Variants in B3GALT1 observed in about 807,000 individuals in gnomAD.
B3GALT1 encodes the protein beta-1,3-galactosyltransferase 1.
Under a neutral mutation model 23.2 loss-of-function variants are expected in B3GALT1, and 10 were observed. That is an observed-to-expected ratio of 0.43 (90% CI 0.27 to 0.73). The LOEUF (loss-of-function observed/expected upper bound fraction) is 0.73, where lower values mean the gene tolerates loss of function less well. Ranked by LOEUF, B3GALT1 falls within the 30% of genes least tolerant of loss-of-function variation. B3GALT1 has a pLI of 0.21. For missense variants in B3GALT1, 299 were observed against 405.4 expected, an observed-to-expected ratio of 0.74 and a Z score of 2.25; for synonymous variants, 156 against 141.5, an observed-to-expected ratio of 1.10 and a Z score of -0.73.
At chr2:167,566,179 T>G (rs1418269664) in intron 2 of B3GALT1, among the ~76,000 whole-genome samples, 3 of 152,146 alleles carry the variant, frequency 2.0e-5, no homozygotes, top group Non-Finnish European at 4.4e-5. Flanking sequence ...CCATAAAAAA[T>G]GATGAGTTCA....
At chr2:167,441,240 A>C (rs932055773) in intron 1 of B3GALT1, among the ~76,000 whole-genome samples, 6 of 152,204 alleles carry the variant, frequency 3.9e-5, no homozygotes, top group Admixed American at 6.5e-5. Context: ...GGATTCCAGC[A>C]CCCACAGTAT....
intron 2 of B3GALT1, among the ~76,000 whole-genome samples, chr2:167,515,511 G>T (rs1157245436): frequency 1.3e-5 from 2 of 152,100 alleles, no homozygotes; most frequent in Non-Finnish European, 2.9e-5. Flanking sequence ...TTATAGGGAA[G>T]CATAAAGCAA....
chr2:167,830,522 A>G lies in B3GALT1; in HGVS notation c.-230+11729A>G, dbSNP rs540714655. Among the ~76,000 whole-genome samples the G allele has an allele frequency of 7.9e-5, 12 of 152,268 alleles. No homozygotes were observed. In the East Asian group the frequency reaches 1.5e-3, roughly 20 times the overall value. ...CCACAATTGTGAACTGTCAATATCA[A>G]TATGGGCCCATGTGCTGCCTATTTG... is the stretch of plus-strand genomic sequence containing the variant. On this transcript the variant is annotated intron_variant, in intron 4 of 4. Transcript: ENST00000392690.
chr2:167,395,421 T>C (rs1044978393), intron 1 of B3GALT1, among the ~76,000 whole-genome samples: 1 of 151,922 alleles, frequency 6.6e-6, no homozygotes, highest in African/African-American at 2.4e-5. Context: ...TAGAATAATA[T>C]GTTTAGAAGA....
chr2:167,532,840 C>T (rs1215627231), intron 2 of B3GALT1, among the ~76,000 whole-genome samples: 3 of 142,044 alleles, frequency 2.1e-5, no homozygotes, highest in South Asian at 2.3e-4. Context: ...TAGAGAAAGA[C>T]AGTTTTACTG....
chr2:167,370,069 A>G (rs1697657877), intron 1 of B3GALT1, among the ~76,000 whole-genome samples: 1 of 152,208 alleles, frequency 6.6e-6, no homozygotes, highest in Admixed American at 6.5e-5. Context: ...AACTGTAATT[A>G]AATGCAAAGG....
At position 167,537,864 on chromosome 2, in the gene B3GALT1, C is replaced by A. The variant is rs534485290; in HGVS notation, c.-410+47587C>A. 7.2e-4 allele frequency among the ~76,000 whole-genome samples: 106 copies of A among 146,568 alleles called. 4 individuals are homozygous for A. In the South Asian group the frequency reaches 0.022, roughly 30 times the overall value. On this transcript the variant is annotated intron_variant, in intron 2 of 4. Transcript: ENST00000392690. ...TTTTTGACAGAGTCTCATTCTGTCG[C>A]CCAGGCTTGAGTGCAATGGCATGTT...
At chr2:167,452,996 T>C (rs1699111446) in intron 1 of B3GALT1, among the ~76,000 whole-genome samples, 1 of 152,200 alleles carries the variant, frequency 6.6e-6, no homozygotes, top group South Asian at 2.1e-4. Context: ...TGGAGCCACT[T>C]TGAAGATCAC....
chr2:167,628,171 A>G (rs939242488), intron 2 of B3GALT1, among the ~76,000 whole-genome samples: 1 of 151,596 alleles, frequency 6.6e-6, no homozygotes, highest in African/African-American at 2.4e-5. Context: ...TCATTTTCTT[A>G]ACAGTGTACA....
intron 3 of B3GALT1, among the ~76,000 whole-genome samples, chr2:167,809,822 G>T (rs951327658): frequency 2.0e-5 from 3 of 152,014 alleles, no homozygotes; most frequent in African/African-American, 7.2e-5. Context: ...GTCAGACAGG[G>T]ACATTTAAGT....
At chr2:167,455,714 T>A (rs1699159337) in intron 1 of B3GALT1, among the ~76,000 whole-genome samples, 1 of 152,128 alleles carries the variant, frequency 6.6e-6, no homozygotes, top group South Asian at 2.1e-4. Flanking sequence ...GATTTCACCA[T>A]ATTGGACACA....
intron 2 of B3GALT1, among the ~76,000 whole-genome samples, chr2:167,503,064 A>G (rs902086910): frequency 5.3e-5 from 8 of 152,136 alleles, no homozygotes; most frequent in Admixed American, 2.6e-4. Context: ...AAAATAAAAA[A>G]TAAATAAAAT....
At chr2:167,626,334 C>T (rs1346133385) in intron 2 of B3GALT1, among the ~76,000 whole-genome samples, 2 of 151,570 alleles carry the variant, frequency 1.3e-5, no homozygotes, top group Non-Finnish European at 3.0e-5. Flanking sequence ...TGTGTATCTT[C>T]TTTATCTCAC....
At chr2:167,820,839 TCTC>T (rs543587352) in intron 4 of B3GALT1, among the ~76,000 whole-genome samples, 62 of 152,338 alleles carry the variant, frequency 4.1e-4, no homozygotes, top group African/African-American at 1.4e-3. Flanking sequence ...AAATTAGAGT[TCTC>T]CTTCTACTAC....
intron 1 of B3GALT1, among the ~76,000 whole-genome samples, chr2:167,463,486 G>A (rs1699297580): frequency 2.0e-5 from 3 of 151,888 alleles, no homozygotes; most frequent in Admixed American, 2.0e-4. Context: ...CAAACCCAAG[G>A]TAATAGGAAA....
intron 3 of B3GALT1, chr2:167,714,359 A>G: frequency 6.7e-7 from 1 of 1,500,502 alleles, no homozygotes; most frequent in Non-Finnish European, 9.3e-7. Flanking sequence ...TTTATTGGTA[A>G]TCTGATGGTC....
intron 1 of B3GALT1, among the ~76,000 whole-genome samples, chr2:167,301,186 C>T (rs1311454315): frequency 6.6e-6 from 1 of 152,180 alleles, no homozygotes; most frequent in African/African-American, 2.4e-5. Flanking sequence ...TAAGATTCTT[C>T]ATTGATGTTT....
At chr2:167,675,946 A>G (rs76979937) in intron 3 of B3GALT1, among the ~76,000 whole-genome samples, 1,884 of 151,500 alleles carry the variant, frequency 0.012, 44 homozygotes, top group African/African-American at 0.043. Flanking sequence ...GTGACTACCA[A>G]AACCATCTCC....
intron 1 of B3GALT1, among the ~76,000 whole-genome samples, chr2:167,359,353 A>G (rs1047865811): frequency 6.6e-6 from 1 of 152,232 alleles, no homozygotes; most frequent in African/African-American, 2.4e-5. Context: ...TAATAGCTGC[A>G]TACTGCTCCC....
Sources: gnomAD v4.1 joint callset for allele counts (sites outside exome capture counted in the v4.1 genomes callset) on GRCh38, gnomAD v4.1.1 for gene constraint, MANE v1.5 for transcripts, NCBI Gene and HGNC (gene_info 2026-07-23, HGNC 2026-07-21) for gene names.